Variants in FAN1 observed in about 807,000 individuals in gnomAD.
The protein encoded by FAN1 is FANCD2 and FANCI associated nuclease 1.
A neutral mutation model predicts 104.9 loss-of-function variants in FAN1; 91 were observed. That is an observed-to-expected ratio of 0.87 (90% CI 0.73 to 1.03). The LOEUF is 1.03. Ranked by LOEUF, FAN1 falls within the 50% of genes least tolerant of loss-of-function variation. The pLI, the probability that FAN1 is intolerant of heterozygous loss-of-function variation, is 0.00. For missense variants in FAN1, 1,263 were observed against 1,239.9 expected (o/e 1.02, Z -0.28); for synonymous variants, 478 against 457.6 (o/e 1.04, Z -0.57).
Position 30,925,255 on chromosome 15 carries a change from G to A in FAN1, c.2301G>A (p.Gln767=). 1 of 1,614,160 alleles carries A rather than the reference G, an allele frequency of 6.2e-7. No homozygotes were observed. The highest frequency in any genetic ancestry group is 1.1e-5 in the South Asian group (1 of 91,072). Residue 767 remains glutamine, a synonymous_variant, in exon 9 of 15, where the codon CAG becomes CAA. Transcript: ENST00000362065. ...GTAAAAAGTTCAAGCACCTCTTCCA[G>A]CAGCTCCCAGAAATGGCTGTGCAAG... is the stretch of plus-strand genomic sequence containing the variant. ...PSCKKFKHLF[Q]QLPEMAVQDV...
intron 5 of FAN1, among the ~76,000 whole-genome samples, chr15:30,917,061 A>G (rs2062212260): frequency 1.3e-5 from 2 of 152,212 alleles, no homozygotes; most frequent in Admixed American, 6.5e-5. Flanking sequence ...GGGGGTGGAC[A>G]GGACTGGGTT....
intron 14 of FAN1, chr15:30,940,491 A>C (rs2063006697): frequency 1.0e-6 from 1 of 985,472 alleles, no homozygotes; most frequent in South Asian, 4.7e-5. Context: ...TAACCTCATT[A>C]GTTATTTCCA....
intron 5 of FAN1, among the ~76,000 whole-genome samples, chr15:30,916,574 T>C (rs2062203043): frequency 6.6e-6 from 1 of 152,224 alleles, no homozygotes. Context: ...AAACTGGATT[T>C]AATTGACTTC....
Position 30,937,158 on chromosome 15 carries a change from A to G in FAN1, c.2956A>G (p.Lys986Glu). The change falls in exon 14 of 15, where the codon AAG becomes GAG. Residue 986 changes from lysine (K) to glutamate (E), a missense_variant. Physicochemically the swap from Lys to Glu is moderately conservative, Grantham distance 56. Coordinates refer to ENST00000362065, the MANE Select transcript of FAN1 (RefSeq NM_014967.5). ...VKGPNDRLSHKQMIWLAELQK... is the reference protein window; with the variant it reads ...VKGPNDRLSHEQMIWLAELQK... Reference sequence around the variant, plus strand: ...AGGCCCCAATGATCGTCTTTCACATAAGCAGATGATCTGGCTGGCTGAACT... The same window carrying G: ...AGGCCCCAATGATCGTCTTTCACATGAGCAGATGATCTGGCTGGCTGAACT... The G allele has an allele frequency of 1.2e-6, 2 of 1,613,996 alleles. No individual in the cohort carries two copies. Among genetic ancestry groups the G allele is most frequent in the East Asian group, 4.5e-5 (2 of 44,880 alleles).
At chr15:30,911,015 A>G in intron 4 of FAN1, 200 bp downstream of exon 4, 1 of 1,276,512 alleles carries the variant, frequency 7.8e-7, no homozygotes, top group Non-Finnish European at 9.9e-7. Context: ...ATACCGTACT[A>G]ATTTCCAGGA....
chr15:30,917,948 A>G (rs888238305), intron 5 of FAN1, among the ~76,000 whole-genome samples: 8 of 152,252 alleles, frequency 5.3e-5, no homozygotes, highest in Non-Finnish European at 1.0e-4. Context: ...ATAATACAGC[A>G]TAAATGTTTT....
chr15:30,935,140 C>G (rs1445210640), intron 13 of FAN1, among the ~76,000 whole-genome samples: 1 of 151,946 alleles, frequency 6.6e-6, no homozygotes, highest in African/African-American at 2.4e-5. Flanking sequence ...GACCTCATCT[C>G]TACAAAACGA....
chr15:30,929,003 C>T (rs374719621), intron 11 of FAN1, among the ~76,000 whole-genome samples, 200 bp from the exon 12 acceptor site: 24 of 152,128 alleles, frequency 1.6e-4, no homozygotes, highest in Admixed American at 1.5e-3. Flanking sequence ...CCCAGCTAAG[C>T]GAAAAGCTGT....
At chr15:30,921,909 G>C (rs2062340979) in intron 7 of FAN1, among the ~76,000 whole-genome samples, 1 of 152,204 alleles carries the variant, frequency 6.6e-6, no homozygotes, top group Non-Finnish European at 1.5e-5. Flanking sequence ...ACTGTGACCA[G>C]TGCTCAGCTG....
intron 7 of FAN1, among the ~76,000 whole-genome samples, chr15:30,921,690 C>CTTA (rs1678784652): frequency 6.6e-6 from 1 of 152,110 alleles, no homozygotes; most frequent in African/African-American, 2.4e-5. Flanking sequence ...TGGGGTAAAT[C>CTTA]ATTCCATATT....
At position 30,942,246 on chromosome 15, in the gene FAN1, C is replaced by CATAAAAAAGTGTAA; in HGVS notation, c.*684_*685insATAAAAAAGTGTAA. On this transcript the variant is annotated 3_prime_UTR_variant, in exon 15 of 15. Transcript: ENST00000362065. ...CTAATCCTCCTCCCCTGGAATTACA[C>CATAAAAAAGTGTAA]TTTTTTATGTGTTGACTCTACCTAG... 1 of 815,400 alleles carries CATAAAAAAGTGTAA rather than the reference C, an allele frequency of 1.2e-6. No individual in the cohort carries two copies. Among genetic ancestry groups the CATAAAAAAGTGTAA allele is most frequent in the Non-Finnish European group, 1.9e-6 (1 of 525,944 alleles). 50.5% of individuals were successfully genotyped at this position (815,400 alleles called of 1,614,324 possible).
At chr15:30,941,285 T>G in intron 14 of FAN1, 1 of 1,504,532 alleles carries the variant, frequency 6.6e-7, no homozygotes, top group Non-Finnish European at 8.9e-7. Flanking sequence ...AGGAACAAAA[T>G]TTACATCTCT....
At chr15:30,914,655 C>T (rs191982536) in intron 5 of FAN1, among the ~76,000 whole-genome samples, 1 of 152,142 alleles carries the variant, frequency 6.6e-6, no homozygotes, top group Admixed American at 6.5e-5. Flanking sequence ...CGTGAACCAC[C>T]GCCCTCGGCC....
chr15:30,929,819 T>TAAAA lies in FAN1; in HGVS notation c.2787+422_2787+423insAAAA, dbSNP rs1263768371. On this transcript the variant is annotated intron_variant, in intron 12 of 14. Coordinates refer to ENST00000362065, the MANE Select transcript of FAN1 (RefSeq NM_014967.5). ...TATAATATATAAAATATATAATATA[T>TAAAA]TATATCATATATAATATAATATATA... is the stretch of plus-strand genomic sequence containing the variant. Among the ~76,000 whole-genome samples, 28 of 44,376 alleles carry TAAAA rather than the reference T, an allele frequency of 6.3e-4. 4 individuals carry two copies. The highest frequency in any genetic ancestry group is 4.4e-3 in the African/African-American group (27 of 6,136). 29.1% of individuals were successfully genotyped at this position (44,376 alleles called of 152,430 possible).
chr15:30,932,716 C>CT (rs60673122), intron 13 of FAN1, among the ~76,000 whole-genome samples: 11,706 of 134,216 alleles, frequency 0.087, 855 homozygotes, highest in African/African-American at 0.15. Flanking sequence ...TGTTTCTTTT[C>CT]TTTTTTTTTT....
chr15:30,932,221 CAA>C lies in FAN1; in HGVS notation c.2916+1570_2916+1571del, dbSNP rs766829435. ...TGGGCAACAGAGCGAGACTCCATCT[CAA>C]AAAAAAAAAAAAAAAAAAAGCCAGC... On this transcript the variant is annotated intron_variant, in intron 13 of 14. Coordinates refer to ENST00000362065, the MANE Select transcript of FAN1 (RefSeq NM_014967.5). 1.2e-3 allele frequency among the ~76,000 whole-genome samples: 59 copies of C among 49,494 alleles called. 1 individual carries two copies. Among genetic ancestry groups the C allele is most frequent in the Middle Eastern group, 8.9e-3 (1 of 112 alleles). The allele number at this position is 49,494 out of a possible 152,430, so 32.5% of individuals were successfully genotyped here. A position where few individuals can be genotyped will look rare whatever the true frequency, so the allele number is the denominator to read the frequency against.
intron 13 of FAN1, among the ~76,000 whole-genome samples, chr15:30,931,113 C>CA (rs951336483): frequency 9.9e-5 from 15 of 152,158 alleles, no homozygotes; most frequent in African/African-American, 3.6e-4. Flanking sequence ...ACAGATACCC[C>CA]ATTCCCCTTG....
At chr15:30,908,404 C>A in intron 3 of FAN1, 146 bp downstream of exon 3, 1 of 607,520 alleles carries the variant, frequency 1.6e-6, no homozygotes, top group Non-Finnish European at 2.7e-6. Flanking sequence ...AATCTTAGGA[C>A]AACAAATTAC....
chr15:30,904,639 A>T lies in FAN1; in HGVS notation c.-25A>T. 6.2e-7 allele frequency: 1 copy of T among 1,607,354 alleles called. No individual in the cohort carries two copies. The highest frequency in any genetic ancestry group is 8.5e-7 in the Non-Finnish European group (1 of 1,177,078). Reference sequence around the variant, plus strand: ...TTAAATATCCTGTGTTTTATTGCTCAGAACATCCAGTTTTTCTAATACTCA... The same window carrying T: ...TTAAATATCCTGTGTTTTATTGCTCTGAACATCCAGTTTTTCTAATACTCA... On this transcript the variant is annotated 5_prime_UTR_variant, in exon 2 of 15. Transcript: ENST00000362065.
Sources: gnomAD v4.1 joint callset for allele counts (sites outside exome capture counted in the v4.1 genomes callset) on GRCh38, gnomAD v4.1.1 for gene constraint, MANE v1.5 for transcripts, NCBI Gene and HGNC (gene_info 2026-07-23, HGNC 2026-07-21) for gene names.